Variants in GLCE observed in about 807,000 individuals in gnomAD.
The protein encoded by GLCE is D-glucuronyl C5-epimerase.
A neutral mutation model predicts 47.9 loss-of-function variants in GLCE; 19 were observed. That is an observed-to-expected ratio of 0.40 (90% CI 0.28 to 0.58). GLCE has a LOEUF of 0.58. Ranked by LOEUF, GLCE falls within the 20% of genes least tolerant of loss-of-function variation. The pLI, the probability that GLCE is intolerant of heterozygous loss-of-function variation, is 0.48. For synonymous variants in GLCE, 245 were observed against 263.4 expected (o/e 0.93, Z 0.68); for missense variants, 556 against 743.3 (o/e 0.75, Z 2.93).
chr15:69,184,711 C>T (rs1459777357), intron 1 of GLCE, among the ~76,000 whole-genome samples: 3 of 152,204 alleles, frequency 2.0e-5, no homozygotes, highest in Non-Finnish European at 4.4e-5. Flanking sequence ...CAGTTAGTAC[C>T]TTAATGAAGA....
At chr15:69,176,010 A>G (rs1211854575) in intron 1 of GLCE, among the ~76,000 whole-genome samples, 1 of 152,154 alleles carries the variant, frequency 6.6e-6, no homozygotes, top group Non-Finnish European at 1.5e-5. Context: ...GTACTTTGTC[A>G]TGTAACACTG....
intron 2 of GLCE, among the ~76,000 whole-genome samples, chr15:69,245,191 G>C (rs1251133165): frequency 2.6e-5 from 4 of 151,904 alleles, no homozygotes; most frequent in African/African-American, 4.8e-5. Context: ...AAATTAGCCA[G>C]GCATGGTGGC....
At chr15:69,197,256 C>G in intron 1 of GLCE, 1 of 380,796 alleles carries the variant, frequency 2.6e-6, no homozygotes. Flanking sequence ...TGCCAACTGA[C>G]TACCACTTCT....
chr15:69,226,089 T>C (rs1566961629), intron 2 of GLCE, among the ~76,000 whole-genome samples: 1 of 151,666 alleles, frequency 6.6e-6, no homozygotes, highest in Non-Finnish European at 1.5e-5. Flanking sequence ...CACACACACC[T>C]ATTTTAATCT....
chr15:69,223,171 G>A (rs1336427844), intron 2 of GLCE, among the ~76,000 whole-genome samples: 1 of 152,146 alleles, frequency 6.6e-6, no homozygotes, highest in Non-Finnish European at 1.5e-5. Flanking sequence ...CTTTTATTGA[G>A]ATATTTATTT....
rs551124086 is a variant in GLCE, at chr15:69,261,197, A to G, written c.697A>G (p.Ile233Val). The G allele has an allele frequency of 6.2e-6, 10 of 1,614,120 alleles. No individual in the cohort carries two copies. The highest frequency in any genetic ancestry group is 2.2e-5 in the East Asian group (1 of 44,872). Reference sequence around the variant, plus strand: ...GAATCTAACTGAGAAACCTCCTCACATAGAGGTATATGAAACAGCAGAAGA... The same window carrying G: ...GAATCTAACTGAGAAACCTCCTCACGTAGAGGTATATGAAACAGCAGAAGA... ...SKNLTEKPPH[I>V]EVYETAEDRD... Residue 233 changes from isoleucine to valine, a missense_variant, in exon 4 of 5, where the codon ATA becomes GTA. This residue lies in a region of GLCE where 237 missense variants were observed against 310.9 expected (regional missense o/e 0.76). Coordinates refer to ENST00000261858, the MANE Select transcript of GLCE (RefSeq NM_015554.3).
intron 4 of GLCE, among the ~76,000 whole-genome samples, chr15:69,266,549 C>T (rs1339479832): frequency 6.6e-6 from 1 of 152,130 alleles, no homozygotes; most frequent in African/African-American, 2.4e-5. Flanking sequence ...GTCTCAAGCT[C>T]CTCGCTTCAA....
At chr15:69,229,458 T>C (rs951123389) in intron 2 of GLCE, among the ~76,000 whole-genome samples, 6 of 152,146 alleles carry the variant, frequency 3.9e-5, no homozygotes, top group Admixed American at 1.3e-4. Flanking sequence ...TTATATCAGA[T>C]GGAAATTTGC....
At position 69,175,268 on chromosome 15, in the gene GLCE, ATTCT is replaced by A. The variant is rs1566947063; in HGVS notation, c.-105+14513_-105+14516del. 3.9e-5 allele frequency among the ~76,000 whole-genome samples: 6 copies of A among 152,252 alleles called. No individual in the cohort carries two copies. The East Asian group carries it at 9.7e-4, about 25-fold the overall frequency. On this transcript the variant is annotated intron_variant, in intron 1 of 4. Transcript: ENST00000261858. ...AAAAAGATTTTTCCATCATCCTCAC[ATTCT>A]TAATACCACCATCTCCTAAATTTTG...
chr15:69,198,799 C>G (rs1352763364), intron 1 of GLCE, among the ~76,000 whole-genome samples: 2 of 152,130 alleles, frequency 1.3e-5, no homozygotes, highest in Non-Finnish European at 2.9e-5. Context: ...AAGTGATCCT[C>G]CTGCCTTGGC....
In GLCE at chr15:69,268,980, C is replaced by T. The variant is rs530064318; in HGVS notation, c.1590C>T (p.Leu530=). 8.1e-6 allele frequency: 13 copies of T among 1,614,152 alleles called. No homozygotes were observed. Among genetic ancestry groups the T allele is most frequent in the South Asian group, 4.4e-5 (4 of 91,080 alleles). The stretch of plus-strand genomic sequence containing the variant: ...TAAAAGAAACTGCAGGGGAAAAACT[C>T]GGAAAAGAAGCAAGGTCCTTGTATG... ...YDLKETAGEK[L]GKEARSLYER... is the part of the protein sequence containing the mutation. The change falls in exon 5 of 5, where the codon CTC becomes CTT. Residue 530 remains leucine (L), a synonymous_variant. Transcript: ENST00000261858.
chr15:69,253,711 C>T (rs181092252), intron 2 of GLCE, among the ~76,000 whole-genome samples: 118 of 152,300 alleles, frequency 7.7e-4, no homozygotes, highest in Non-Finnish European at 1.4e-3. Context: ...ACACCAAGCA[C>T]TGAAATAGAG....
intron 2 of GLCE, among the ~76,000 whole-genome samples, chr15:69,223,225 T>C (rs2052401023): frequency 1.3e-5 from 2 of 152,240 alleles, no homozygotes; most frequent in Non-Finnish European, 2.9e-5. Context: ...ATTGATCATT[T>C]CTTGCAGGGC....
chr15:69,198,040 C>T (rs1252111055), intron 1 of GLCE, among the ~76,000 whole-genome samples: 2 of 152,120 alleles, frequency 1.3e-5, no homozygotes, highest in African/African-American at 2.4e-5. Flanking sequence ...TTTTAAAGAA[C>T]ATCAGTGCCT....
rs1036353521 is a variant in GLCE at position 69,261,207 on chromosome 15, A to G, written c.707A>G (p.Tyr236Cys). The G allele has an allele frequency of 3.1e-6, 5 of 1,614,020 alleles. No homozygotes were observed. The highest frequency in any genetic ancestry group is 2.2e-5 in the East Asian group (1 of 44,884). The change falls in exon 4 of 5, where the codon TAT becomes TGT. Residue 236 changes from tyrosine (Y) to cysteine (C), a missense_variant. By Grantham distance (194) the Tyr-to-Cys change is radical (BLOSUM62 -2). Around this residue, in one of 3 missense-constraint regions of GLCE, gnomAD observed 237 missense variants for 310.9 expected, o/e 0.76. Transcript: ENST00000261858. ...LTEKPPHIEVYETAEDRDKNK... is the reference protein window; with the variant it reads ...LTEKPPHIEVCETAEDRDKNK... ...GAGAAACCTCCTCACATAGAGGTAT[A>G]TGAAACAGCAGAAGACAGAGACAAA...
At chr15:69,162,316 T>TA (rs57157001) in intron 1 of GLCE, among the ~76,000 whole-genome samples, 145 of 146,988 alleles carry the variant, frequency 9.9e-4, no homozygotes, top group South Asian at 2.8e-3. Context: ...GTGTATTGGT[T>TA]AAAAAAAAAA....
chr15:69,188,679 A>G (rs2051867512), intron 1 of GLCE, among the ~76,000 whole-genome samples: 1 of 152,064 alleles, frequency 6.6e-6, no homozygotes, highest in African/African-American at 2.4e-5. Context: ...CTAAGTTGTT[A>G]AATCTATTGA....
chr15:69,201,225 C>T (rs1030198082), intron 1 of GLCE, among the ~76,000 whole-genome samples: 19 of 152,198 alleles, frequency 1.2e-4, no homozygotes, highest in African/African-American at 4.3e-4. Flanking sequence ...TCCCTTTTGC[C>T]ATGTAAGGTA....
At chr15:69,250,399 G>GA (rs2052822367) in intron 2 of GLCE, among the ~76,000 whole-genome samples, 1 of 151,532 alleles carries the variant, frequency 6.6e-6, no homozygotes, top group African/African-American at 2.4e-5. Flanking sequence ...CCGCCCCTCT[G>GA]AAAAAAACCC....
Sources: gnomAD v4.1 joint callset for allele counts (sites outside exome capture counted in the v4.1 genomes callset) on GRCh38, gnomAD v4.1.1 for gene constraint, gnomAD v4.1.1 regional missense constraint, MANE v1.5 for transcripts, NCBI Gene and HGNC (gene_info 2026-07-23, HGNC 2026-07-21) for gene names.